Variants in SYTL2 observed in about 807,000 individuals in gnomAD.
SYTL2 encodes the protein synaptotagmin like 2, also known as synaptotagmin-like protein 2.
In SYTL2, 165 loss-of-function variants were observed where a neutral mutation model predicts 198.7. That is an observed-to-expected ratio of 0.83 (90% CI 0.73 to 0.94). The LOEUF (loss-of-function observed/expected upper bound fraction) is 0.94. Ranked by LOEUF, SYTL2 falls within the 40% of genes least tolerant of loss-of-function variation. The probability of loss-of-function intolerance (pLI) is 0.00; values close to 1 mark genes in which losing one functional copy is unlikely to be tolerated. For synonymous variants in SYTL2, 966 were observed against 917.7 expected, an observed-to-expected ratio of 1.05 and a Z score of -0.95; for missense variants, 2,835 against 2,582.8, an observed-to-expected ratio of 1.10 and a Z score of -2.12.
chr11:85,846,595 T>C, the SYTL2 span, among the ~76,000 whole-genome samples: 2 of 151,742 alleles, frequency 1.3e-5, no homozygotes, highest in Non-Finnish European at 2.9e-5. Context: ...ACCCAGCTAA[T>C]TTTGAATTTT....
intron 1 of SYTL2, among the ~76,000 whole-genome samples, chr11:85,785,899 G>T (rs936842220): frequency 6.6e-6 from 1 of 152,142 alleles, no homozygotes; most frequent in Non-Finnish European, 1.5e-5. Flanking sequence ...TCCACTTCAC[G>T]CTCTGCCTAA....
intron 2 of SYTL2, among the ~76,000 whole-genome samples, chr11:85,752,499 G>A (rs2091574050): frequency 6.6e-6 from 1 of 152,142 alleles, no homozygotes; most frequent in Non-Finnish European, 1.5e-5. Context: ...TAAGATGGCT[G>A]TCACACTTCA....
the SYTL2 span, chr11:85,852,489 T>G: frequency 6.3e-6 from 1 of 158,250 alleles, no homozygotes; most frequent in Non-Finnish European, 1.4e-5. Flanking sequence ...TTCTCCCGCC[T>G]CAGCCTGCCG....
chr11:85,777,163 C>T (rs1313185442), intron 1 of SYTL2, among the ~76,000 whole-genome samples: 1 of 152,204 alleles, frequency 6.6e-6, no homozygotes, highest in African/African-American at 2.4e-5. Flanking sequence ...CTTTAGTCAC[C>T]TCAGTAATTA....
At chr11:85,715,754 T>C (rs1336663165) in intron 11 of SYTL2, among the ~76,000 whole-genome samples, 1 of 152,186 alleles carries the variant, frequency 6.6e-6, no homozygotes, top group Non-Finnish European at 1.5e-5. Flanking sequence ...ACAATGTGTG[T>C]GTATTAGGGA....
rs1191286314 is a variant in SYTL2, at chr11:85,718,885, T to G, written c.5429-42A>C. 8.1e-6 allele frequency: 13 copies of G among 1,606,556 alleles called. No individual in the cohort carries two copies. In the Admixed American group the frequency reaches 2.2e-4, roughly 27 times the overall value. On this transcript the variant is annotated intron_variant, in intron 9 of 19. Transcript: ENST00000359152. ...AACAAATGGTTAACATGGCTGACCC[T>G]TGGAGAGAAAAGAACAATGAGATTG...
the SYTL2 span, among the ~76,000 whole-genome samples, chr11:85,837,714 A>G: frequency 6.6e-6 from 1 of 152,122 alleles, no homozygotes; most frequent in Non-Finnish European, 1.5e-5. Context: ...ACCCTGGAGG[A>G]ACACACATTA....
intron 1 of SYTL2, among the ~76,000 whole-genome samples, chr11:85,778,383 C>T (rs1192889031): frequency 2.6e-5 from 4 of 152,290 alleles, no homozygotes; most frequent in South Asian, 2.1e-4. Flanking sequence ...AGTTTGGACT[C>T]GAAGCTGAAA....
chr11:85,818,656 A>ACTATTTATCTATCTAT, the SYTL2 span, among the ~76,000 whole-genome samples: 6,620 of 149,072 alleles, frequency 0.044, 139 homozygotes, highest in East Asian at 0.061. Flanking sequence ...TGTATAAATT[A>ACTATTTATCTATCTAT]CTATCTATCT....
In SYTL2 at chr11:85,725,150, G is replaced by C. The variant is rs781672019; in HGVS notation, c.4208C>G (p.Ala1403Gly). Residue 1403 changes from alanine (A) to glycine (G), a missense_variant, in exon 8 of 20, where the codon GCA becomes GGA. This residue lies in a region of SYTL2 where 2,645 missense variants were observed against 2,381.7 expected (regional missense o/e 1.11). Coordinates refer to ENST00000359152, the MANE Select transcript of SYTL2 (RefSeq NM_206927.4). The part of the protein sequence containing the change: ...PGEVNPEFPE[A>G]VQPVCSPLNP... ...TAGGGGGCTACATACTGGCTGTACT[G>C]CTTCAGGAAATTCTGGGTTCACTTC... The C allele has an allele frequency of 6.2e-7, 1 of 1,613,934 alleles. No homozygotes were observed. The highest frequency in any genetic ancestry group is 1.3e-5 in the African/African-American group (1 of 74,926).
chr11:85,797,325 T>C (rs2092817751), intron 1 of SYTL2, among the ~76,000 whole-genome samples: 1 of 152,188 alleles, frequency 6.6e-6, no homozygotes, highest in African/African-American at 2.4e-5. Context: ...AATGTTATAT[T>C]AGAAAATGTT....
chr11:85,799,469 G>A (rs1316448058), intron 1 of SYTL2, among the ~76,000 whole-genome samples: 2 of 152,272 alleles, frequency 1.3e-5, no homozygotes, highest in African/African-American at 2.4e-5. Context: ...GGATTTCAGA[G>A]TTAGAAACAG....
intron 15 of SYTL2, among the ~76,000 whole-genome samples, chr11:85,706,099 T>C (rs2085103280): frequency 6.6e-6 from 1 of 152,248 alleles, no homozygotes; most frequent in Non-Finnish European, 1.5e-5. Context: ...GTATACTTTC[T>C]ATTCATCTGT....
chr11:85,772,720 A>G (rs183824225), intron 1 of SYTL2, among the ~76,000 whole-genome samples: 2 of 152,308 alleles, frequency 1.3e-5, no homozygotes, highest in Non-Finnish European at 1.5e-5. Flanking sequence ...GGCCAGCCTG[A>G]GCTCAGACTC....
chr11:85,778,308 A>T (rs561615801), intron 1 of SYTL2, among the ~76,000 whole-genome samples: 2 of 152,352 alleles, frequency 1.3e-5, no homozygotes, highest in Non-Finnish European at 2.9e-5. Flanking sequence ...CAAAGCAATT[A>T]GCAAGCAGTG....
chr11:85,749,406 A>C (rs1178025927), intron 2 of SYTL2, among the ~76,000 whole-genome samples: 2 of 152,188 alleles, frequency 1.3e-5, no homozygotes, highest in African/African-American at 4.8e-5. Flanking sequence ...ACTCTTCCTC[A>C]ATTAGCAAAT....
chr11:85,694,789 C>T lies in SYTL2; in HGVS notation c.*406G>A, dbSNP rs920593664. On this transcript the variant is annotated 3_prime_UTR_variant, in exon 20 of 20. Coordinates refer to ENST00000359152, the MANE Select transcript of SYTL2 (RefSeq NM_206927.4). The stretch of plus-strand genomic sequence containing the variant: ...TGAGTATCTTTCTGCGACTTTTTCC[C>T]ACAACCTACAAAGGTCCTGCAAGGG... 1.3e-5 allele frequency: 2 copies of T among 153,604 alleles called. No individual in the cohort carries two copies. Among genetic ancestry groups the T allele is most frequent in the African/African-American group, 4.8e-5 (2 of 41,464 alleles). The allele number at this position is 153,604 out of a possible 1,614,324, so 9.5% of individuals were successfully genotyped here.
At chr11:85,765,463 C>A (rs1461356704) in intron 1 of SYTL2, among the ~76,000 whole-genome samples, 1 of 152,214 alleles carries the variant, frequency 6.6e-6, no homozygotes, top group Non-Finnish European at 1.5e-5. Context: ...TCTCAAACTC[C>A]TGACCTCGTG....
intron 1 of SYTL2, among the ~76,000 whole-genome samples, chr11:85,767,315 C>T (rs754393651): frequency 2.6e-5 from 4 of 152,134 alleles, no homozygotes; most frequent in Admixed American, 6.5e-5. Context: ...ACAATTTCAA[C>T]GTAAATAAGG....
Sources: gnomAD v4.1 joint callset for allele counts (sites outside exome capture counted in the v4.1 genomes callset) on GRCh38, gnomAD v4.1.1 for gene constraint, gnomAD v4.1.1 regional missense constraint, MANE v1.5 for transcripts, NCBI Gene and HGNC (gene_info 2026-07-23, HGNC 2026-07-21) for gene names.